CXCL3: variants seen among roughly 807,000 people sequenced by gnomAD.
CXCL3 encodes the protein C-X-C motif chemokine ligand 3.
CXCL3 carries 10 observed loss-of-function variants against 11.5 expected under a neutral mutation model. The ratio of observed to expected loss-of-function variants is 0.87; its 90% CI spans 0.54 to 1.48. The LOEUF (loss-of-function observed/expected upper bound fraction) is 1.48. Among genes scored for constraint, CXCL3 ranks in the 40% most tolerant of loss-of-function variants. CXCL3 has a pLI of 0.00. For synonymous variants in CXCL3, 61 were observed against 60.9 expected (o/e 1.00, Z -0.01); for missense variants, 149 against 139.1 (o/e 1.07, Z -0.36).
intron 3 of CXCL3, 28 bp downstream of exon 3, chr4:74,038,065 G>A (rs201831869): frequency 5.6e-6 from 9 of 1,610,210 alleles, no homozygotes; most frequent in East Asian, 2.2e-5. Context: ...GGCTCCAGTC[G>A]CCTGTGTATA....
chr4:74,038,170 T>G lies in CXCL3; in HGVS notation c.231A>C (p.Thr77=), dbSNP rs755983685. 1 of 1,613,964 alleles carries G rather than the reference T, an allele frequency of 6.2e-7. No individual in the cohort carries two copies. Among genetic ancestry groups the G allele is most frequent in the South Asian group, 1.1e-5 (1 of 91,040 alleles). Residue 77 remains threonine (T), a synonymous_variant, in exon 3 of 4, where the codon ACA becomes ACC. Coordinates refer to ENST00000296026, the MANE Select transcript of CXCL3 (RefSeq NM_002090.3). ...PHCAQTEVIA[T]LKNGKKACLN... Reference sequence around the variant, plus strand: ...GACAAGCTTTCTTCCCATTCTTGAGTGTGGCTCTGCAGAGAGAAGGGAATT... The same window carrying G: ...GACAAGCTTTCTTCCCATTCTTGAGGGTGGCTCTGCAGAGAGAAGGGAATT...
In CXCL3 at chr4:74,038,504, G is replaced by A. The variant is rs768467893; in HGVS notation, c.100+8C>T. The A allele has an allele frequency of 4.6e-6, 7 of 1,529,668 alleles. No individual in the cohort carries two copies. The highest frequency in any genetic ancestry group is 1.9e-4 in the Middle Eastern group (1 of 5,294). The allele number at this position is 1,529,668 out of a possible 1,614,324, so 94.8% of individuals were successfully genotyped here. ...CCGGCCCGGGGACCCCAGGGCGCCG[G>A]GACCCACCTGCTGCGCGCCGGCTGG... On this transcript the variant is annotated splice_region_variant and intron_variant, in intron 1 of 3. Transcript: ENST00000296026.
chr4:74,037,134 C>A lies in CXCL3; in HGVS notation c.*128G>T. 1 of 950,490 alleles carries A rather than the reference C, an allele frequency of 1.1e-6. No homozygotes were observed. Among genetic ancestry groups the A allele is most frequent in the Non-Finnish European group, 1.6e-6 (1 of 614,266 alleles). The allele number at this position is 950,490 out of a possible 1,614,324, so 58.9% of individuals were successfully genotyped here. A position where few individuals can be genotyped will look rare whatever the true frequency, so the allele number is the denominator to read the frequency against. ...AACCCTCGTAAGAAATAGTCAAACA[C>A]ATTAAGTCCTTTCCAGCTGTCCCTA... is the stretch of plus-strand genomic sequence containing the variant. On this transcript the variant is annotated 3_prime_UTR_variant, in exon 4 of 4. Coordinates refer to ENST00000296026, the MANE Select transcript of CXCL3 (RefSeq NM_002090.3).
In CXCL3 at chr4:74,038,410, G is replaced by C. The variant is rs767580060; in HGVS notation, c.104C>G (p.Ala35Gly). 1.2e-6 allele frequency: 2 copies of C among 1,613,962 alleles called. No homozygotes were observed. The highest frequency in any genetic ancestry group is 8.5e-7 in the Non-Finnish European group (1 of 1,179,906). ...GCAGCGCAGTTCAGTGACCACGGACGCTCCTAGGGAAGAATAGACTCGCTG... is the reference window on the plus strand; with the variant it reads ...GCAGCGCAGTTCAGTGACCACGGACCCTCCTAGGGAAGAATAGACTCGCTG... ...LVAASRRAAGASVVTELRCQC... is the reference protein window; with the variant it reads ...LVAASRRAAGGSVVTELRCQC... The change falls in exon 2 of 4, where the codon GCG (alanine) becomes GGG (glycine). Residue 35 changes from alanine (A) to glycine (G), a missense_variant. Coordinates refer to ENST00000296026, the MANE Select transcript of CXCL3 (RefSeq NM_002090.3).
rs1560558649 is a variant in CXCL3 at position 74,038,180 on chromosome 4, C to A, written c.225-4G>T. Reference sequence around the variant, plus strand: ...CTTCCCATTCTTGAGTGTGGCTCTGCAGAGAGAAGGGAATTCCGTGAGACA... The same window carrying A: ...CTTCCCATTCTTGAGTGTGGCTCTGAAGAGAGAAGGGAATTCCGTGAGACA... On this transcript the variant is annotated splice_polypyrimidine_tract_variant and splice_region_variant and intron_variant, in intron 2 of 3. Coordinates refer to ENST00000296026, the MANE Select transcript of CXCL3 (RefSeq NM_002090.3). 1.2e-6 allele frequency: 2 copies of A among 1,613,944 alleles called. No homozygotes were observed. The highest frequency in any genetic ancestry group is 4.5e-5 in the East Asian group (2 of 44,872).
chr4:74,037,235 G>T lies in CXCL3; in HGVS notation c.*27C>A, dbSNP rs371129154. ...ACCCTGCAGGAAGTGTCAATGATAC[G>T]CTGATAAGCTTCTTACTTCTCTCCT... On this transcript the variant is annotated 3_prime_UTR_variant, in exon 4 of 4. Coordinates refer to ENST00000296026, the MANE Select transcript of CXCL3 (RefSeq NM_002090.3). The T allele has an allele frequency of 1.1e-5, 17 of 1,613,716 alleles. No homozygotes were observed. Among genetic ancestry groups the T allele is most frequent in the Non-Finnish European group, 1.7e-6 (2 of 1,179,844 alleles).
rs201123855 is a variant in CXCL3, at chr4:74,038,110, G to T, written c.291C>A (p.Ile97=). The T allele has an allele frequency of 5.3e-5, 85 of 1,613,918 alleles. No individual in the cohort carries two copies. Among genetic ancestry groups the T allele is most frequent in the Non-Finnish European group, 6.9e-5 (81 of 1,179,986 alleles). ...CAACTCACTTGTTCAGTATCTTTTC[G>T]ATGATTTTCTGAACCATGGGGGATG... ...NPASPMVQKI[I]EKILNKGSTN Residue 97 remains isoleucine, a synonymous_variant, in exon 3 of 4, where the codon ATC becomes ATA. Transcript: ENST00000296026.
rs1720045959 is a variant in CXCL3, at chr4:74,038,393, G to A, written c.121C>T (p.Leu41=). Reference sequence around the variant, plus strand: ...AGTGTCTGCAAGCACTGGCAGCGCAGTTCAGTGACCACGGACGCTCCTAGG... The same window carrying A: ...AGTGTCTGCAAGCACTGGCAGCGCAATTCAGTGACCACGGACGCTCCTAGG... ...RAAGASVVTE[L]RCQCLQTLQG... is the part of the protein sequence containing the mutation. Residue 41 remains leucine, a synonymous_variant, in exon 2 of 4, where the codon CTG becomes TTG. Transcript: ENST00000296026. The A allele has an allele frequency of 1.2e-6, 2 of 1,614,028 alleles. No individual in the cohort carries two copies. Among genetic ancestry groups the A allele is most frequent in the African/African-American group, 2.7e-5 (2 of 74,948 alleles).
intron 2 of CXCL3, 48 bp downstream of exon 2, chr4:74,038,242 G>T (rs1156534818): frequency 6.2e-7 from 1 of 1,613,846 alleles, no homozygotes; most frequent in Admixed American, 1.7e-5. Context: ...GGCAGCGGGA[G>T]AGTCGGGGAC....
chr4:74,037,495 T>C (rs2109752685), intron 3 of CXCL3: 2 of 556,842 alleles, frequency 3.6e-6, no homozygotes, highest in East Asian at 6.0e-5. Flanking sequence ...CTCAACTAGA[T>C]TCTTGGTTTG....
At position 74,036,869 on chromosome 4, in the gene CXCL3, A is replaced by G. The variant is rs1395230981; in HGVS notation, c.*393T>C. 1 of 182,758 alleles carries G rather than the reference A, an allele frequency of 5.5e-6. No individual in the cohort carries two copies. The highest frequency in any genetic ancestry group is 1.2e-5 in the Non-Finnish European group (1 of 86,256). 11.3% of individuals were successfully genotyped at this position (182,758 alleles called of 1,614,324 possible). A position where few individuals can be genotyped will look rare whatever the true frequency, so the allele number is the denominator to read the frequency against. On this transcript the variant is annotated 3_prime_UTR_variant, in exon 4 of 4. Transcript: ENST00000296026. ...CATTCCCTTACCCTAACAGTGATCC[A>G]CTAATTGCTTGCATTTCAATCCCCC...
At position 74,038,161 on chromosome 4, in the gene CXCL3, A is replaced by G; in HGVS notation, c.240T>C (p.Asn80=). 1 of 1,614,022 alleles carries G rather than the reference A, an allele frequency of 6.2e-7. No individual in the cohort carries two copies. The highest frequency in any genetic ancestry group is 2.2e-5 in the East Asian group (1 of 44,866). Residue 80 remains asparagine, a synonymous_variant, in exon 3 of 4, where the codon AAT becomes AAC. Coordinates refer to ENST00000296026, the MANE Select transcript of CXCL3 (RefSeq NM_002090.3). The part of the protein sequence containing the change: ...AQTEVIATLK[N]GKKACLNPAS... ...CGGGGTTGAGACAAGCTTTCTTCCC[A>G]TTCTTGAGTGTGGCTCTGCAGAGAG...
chr4:74,038,555 C>T lies in CXCL3; in HGVS notation c.57G>A (p.Ala19=). The T allele has an allele frequency of 2.0e-6, 3 of 1,490,810 alleles. No homozygotes were observed. The highest frequency in any genetic ancestry group is 2.7e-6 in the Non-Finnish European group (3 of 1,121,716). The allele number at this position is 1,490,810 out of a possible 1,614,324, so 92.3% of individuals were successfully genotyped here. A position where few individuals can be genotyped will look rare whatever the true frequency, so the allele number is the denominator to read the frequency against. Residue 19 remains alanine, a synonymous_variant, in exon 1 of 4, where the codon GCG becomes GCA. Coordinates refer to ENST00000296026, the MANE Select transcript of CXCL3 (RefSeq NM_002090.3). Reference sequence around the variant, plus strand: ...CGGCCACCAGGAGCAGGAGCAGCAGCGCCACCCGCAGGAGCCGGGGATTGC... The same window carrying T: ...CGGCCACCAGGAGCAGGAGCAGCAGTGCCACCCGCAGGAGCCGGGGATTGC... ...APSNPRLLRV[A]LLLLLLVAAS...
rs1452042857 is a variant in CXCL3, at chr4:74,038,230, G to A, written c.225-54C>T. Reference sequence around the variant, plus strand: ...AGGAGGTCGGGCTGGGGACAGGGTTGGGGCAGCGGGAGAGTCGGGGACCCC... The same window carrying A: ...AGGAGGTCGGGCTGGGGACAGGGTTAGGGCAGCGGGAGAGTCGGGGACCCC... On this transcript the variant is annotated intron_variant, in intron 2 of 3. Transcript: ENST00000296026. 2.5e-6 allele frequency: 4 copies of A among 1,613,824 alleles called. No individual in the cohort carries two copies. In the African/African-American group the frequency reaches 5.3e-5, roughly 22 times the overall value.
Position 74,038,623 on chromosome 4 carries a change from G to A in CXCL3, c.-12C>T, listed in dbSNP as rs1484147596. ...GTGGCGTGGGCCATGGGGCTCAGCAGACGCGTCGGGAAGCTGTGCGAGAAG... is the reference window on the plus strand; with the variant it reads ...GTGGCGTGGGCCATGGGGCTCAGCAAACGCGTCGGGAAGCTGTGCGAGAAG... On this transcript the variant is annotated 5_prime_UTR_variant, in exon 1 of 4. Transcript: ENST00000296026. The A allele has an allele frequency of 2.1e-6, 3 of 1,435,750 alleles. No homozygotes were observed. The highest frequency in any genetic ancestry group is 2.7e-6 in the Non-Finnish European group (3 of 1,100,894). 88.9% of individuals were successfully genotyped at this position (1,435,750 alleles called of 1,614,324 possible).
rs200262907 is a variant in CXCL3 at position 74,037,130 on chromosome 4, A to G, written c.*132T>C. The G allele has an allele frequency of 1.4e-5, 13 of 901,318 alleles. No homozygotes were observed. The highest frequency in any genetic ancestry group is 2.2e-5 in the Non-Finnish European group (13 of 580,664). 55.8% of individuals were successfully genotyped at this position (901,318 alleles called of 1,614,324 possible). On this transcript the variant is annotated 3_prime_UTR_variant, in exon 4 of 4. Coordinates refer to ENST00000296026, the MANE Select transcript of CXCL3 (RefSeq NM_002090.3). The stretch of plus-strand genomic sequence containing the variant: ...GTAGAACCCTCGTAAGAAATAGTCA[A>G]ACACATTAAGTCCTTTCCAGCTGTC...
intron 1 of CXCL3, 48 bp from the exon 2 acceptor site, chr4:74,038,461 C>T (rs1419494123): frequency 5.0e-6 from 8 of 1,588,556 alleles, no homozygotes; most frequent in Admixed American, 1.8e-5. Flanking sequence ...CGGCGCGGGG[C>T]GCCCACCCCA....
intron 3 of CXCL3, 169 bp from the exon 4 acceptor site, chr4:74,037,446 TGC>T: frequency 2.6e-6 from 1 of 381,602 alleles, no homozygotes; most frequent in Non-Finnish European, 4.2e-6. Context: ...CACTCCTGAA[TGC>T]TTTTTTTTTT....
rs1296550193 is a variant in CXCL3, at chr4:74,038,402, C to G, written c.112G>C (p.Val38Leu). ...AAGCACTGGCAGCGCAGTTCAGTGACCACGGACGCTCCTAGGGAAGAATAG... is the reference window on the plus strand; with the variant it reads ...AAGCACTGGCAGCGCAGTTCAGTGAGCACGGACGCTCCTAGGGAAGAATAG... ...ASRRAAGASV[V>L]TELRCQCLQT... Residue 38 changes from valine (V) to leucine (L), a missense_variant, in exon 2 of 4, where the codon GTC becomes CTC. Val to Leu is a conservative substitution (Grantham distance 32). Transcript: ENST00000296026. 2.5e-6 allele frequency: 4 copies of G among 1,613,950 alleles called. No individual in the cohort carries two copies. Among genetic ancestry groups the G allele is most frequent in the African/African-American group, 2.7e-5 (2 of 74,928 alleles).
Sources: gnomAD v4.1 joint callset for allele counts on GRCh38, gnomAD v4.1.1 for gene constraint, MANE v1.5 for transcripts, NCBI Gene and HGNC (gene_info 2026-07-23, HGNC 2026-07-21) for gene names.